Variants in ERCC3 observed in about 807,000 individuals in gnomAD.
ERCC3 encodes the protein general transcription and DNA repair factor IIH helicase/translocase subunit XPB.
Under a neutral mutation model 94.2 loss-of-function variants are expected in ERCC3, and 66 were observed. The observed-to-expected ratio is 0.70, with a 90% confidence interval of 0.57 to 0.86. The LOEUF is 0.86. Among genes scored for constraint, ERCC3 ranks in the 40% least tolerant of loss-of-function variants. ERCC3 has a pLI of 0.00. For missense variants in ERCC3, 829 were observed against 987.1 expected (o/e 0.84, Z 2.15); for synonymous variants, 349 against 369.1 (o/e 0.95, Z 0.63).
At chr2:127,262,814 C>A (rs1684236823) in intron 12 of ERCC3, 1 of 152,164 alleles carries the variant, frequency 6.6e-6, no homozygotes, top group Non-Finnish European at 1.5e-5. Flanking sequence ...CATCTTTAAT[C>A]CATTATGAGT....
chr2:127,268,609 T>G (rs1359808440), intron 12 of ERCC3, among the ~76,000 whole-genome samples: 1 of 152,122 alleles, frequency 6.6e-6, no homozygotes, highest in Non-Finnish European at 1.5e-5. Context: ...AGTCCCCCAA[T>G]CTCTTCTGAC....
In ERCC3 at chr2:127,258,900, C is replaced by A. The variant is rs1224777720; in HGVS notation, c.2217+396G>T. On this transcript the variant is annotated intron_variant, in intron 14 of 14. Transcript: ENST00000285398. This position sits in a 1 kb window ranked among gnomAD's most constrained non-coding sequence, Gnocchi z 4.1. ...GCTCAGCTTTATCACTGAGGAGGAA[C>A]CAGAGGAGAACTGTGTGGCCACAGC... Among the ~76,000 whole-genome samples, 1 of 152,072 alleles carries A rather than the reference C, an allele frequency of 6.6e-6. No homozygotes were observed. The highest frequency in any genetic ancestry group is 1.5e-5 in the Non-Finnish European group (1 of 68,028).
At position 127,259,249 on chromosome 2, in the gene ERCC3, C is replaced by T. The variant is rs376438593; in HGVS notation, c.2217+47G>A. 11 of 1,609,526 alleles carry T rather than the reference C, an allele frequency of 6.8e-6. No homozygotes were observed. Among genetic ancestry groups the T allele is most frequent in the African/African-American group, 1.3e-5 (1 of 74,838 alleles). On this transcript the variant is annotated intron_variant, in intron 14 of 14. Transcript: ENST00000285398. The surrounding 1 kb of genome is among the most constrained non-coding windows in gnomAD (Gnocchi z 4.9). ...TCTGTGTCTGTGTCTACAAACGCTG[C>T]CCTGTGAGAGCACTGACACCTGGAA...
intron 12 of ERCC3, among the ~76,000 whole-genome samples, chr2:127,263,560 C>T (rs566290022): frequency 1.3e-5 from 2 of 152,264 alleles, no homozygotes; most frequent in East Asian, 3.9e-4. Flanking sequence ...AGAATCACAT[C>T]ATTAGGGAAG....
rs1684120624 is a variant in ERCC3 at position 127,259,330 on chromosome 2, A to ACCT, written c.2180_2182dup (p.Glu727dup). ...TCTGGAGCCAAATTCCCCAGCCACC[A>ACCT]CCTCCTCCTCGGCATCCAGGTCAGT... On this transcript the variant is annotated inframe_insertion, in exon 14 of 15. Transcript: ENST00000285398. The surrounding 1 kb of genome is among the most constrained non-coding windows in gnomAD (Gnocchi z 4.9). 1 of 1,613,630 alleles carries ACCT rather than the reference A, an allele frequency of 6.2e-7. No individual in the cohort carries two copies. The highest frequency in any genetic ancestry group is 2.2e-5 in the East Asian group (1 of 44,864).
At position 127,290,425 on chromosome 2, in the gene ERCC3, A is replaced by C. The variant is rs1389557993; in HGVS notation, c.472-152T>G. 3 of 712,982 alleles carry C rather than the reference A, an allele frequency of 4.2e-6. No individual in the cohort carries two copies. The South Asian group carries it at 4.5e-5, about 11-fold the overall frequency. 44.2% of individuals were successfully genotyped at this position (712,982 alleles called of 1,614,324 possible). A position where few individuals can be genotyped will look rare whatever the true frequency, so the allele number is the denominator to read the frequency against. On this transcript the variant is annotated intron_variant, in intron 3 of 14. Coordinates refer to ENST00000285398, the MANE Select transcript of ERCC3 (RefSeq NM_000122.2). ...AATCCTAAAGTGGTCAGATGTGCCTAAACTGAGCTTTTTCCATTGGCCTCT... is the reference window on the plus strand; with the variant it reads ...AATCCTAAAGTGGTCAGATGTGCCTCAACTGAGCTTTTTCCATTGGCCTCT...
Position 127,294,005 on chromosome 2 carries a change from AG to A in ERCC3, c.28+48del, listed in dbSNP as rs768313954. On this transcript the variant is annotated intron_variant, in intron 1 of 14. Transcript: ENST00000285398. Reference sequence around the variant, plus strand: ...GCAGCTCCGAGGCAGAGCGGGGGGCAGGGCCGGCAAGGGCAGTCGTGGCTGA... The same window carrying A: ...GCAGCTCCGAGGCAGAGCGGGGGGCAGGCCGGCAAGGGCAGTCGTGGCTGA... 19 of 1,596,112 alleles carry A rather than the reference AG, an allele frequency of 1.2e-5. No individual in the cohort carries two copies. In the Admixed American group the frequency reaches 3.1e-4, roughly 26 times the overall value.
chr2:127,261,182 A>G, intron 13 of ERCC3, 46 bp downstream of exon 13: 2 of 1,125,328 alleles, frequency 1.8e-6, no homozygotes, highest in Non-Finnish European at 2.7e-6. Flanking sequence ...CAGGGTATCA[A>G]GAAGGCCTTG....
At chr2:127,275,402 C>CA (rs935320380) in intron 10 of ERCC3, among the ~76,000 whole-genome samples, 2 of 151,462 alleles carry the variant, frequency 1.3e-5, no homozygotes, top group Non-Finnish European at 2.9e-5. Context: ...GCCAGAGACA[C>CA]AAAAAAAAGG....
Position 127,257,437 on chromosome 2 carries a change from C to T in ERCC3, c.*159G>A. On this transcript the variant is annotated 3_prime_UTR_variant, in exon 15 of 15. Coordinates refer to ENST00000285398, the MANE Select transcript of ERCC3 (RefSeq NM_000122.2). This position sits in a 1 kb window ranked among gnomAD's most constrained non-coding sequence, Gnocchi z 5.4. The stretch of plus-strand genomic sequence containing the variant: ...CCTCCTTTATAAAACCCTAGATGAC[C>T]TATGAAGGCACAGCCAAGCCCTTGA... The T allele has an allele frequency of 1.1e-6, 1 of 896,364 alleles. No homozygotes were observed. 55.5% of individuals were successfully genotyped at this position (896,364 alleles called of 1,614,324 possible). A position where few individuals can be genotyped will look rare whatever the true frequency, so the allele number is the denominator to read the frequency against.
intron 12 of ERCC3, among the ~76,000 whole-genome samples, chr2:127,269,417 CTTTTTTT>C (rs70985445): frequency 8.8e-6 from 1 of 113,556 alleles, no homozygotes; most frequent in African/African-American, 3.4e-5. Context: ...ATTCTATTCA[CTTTTTTT>C]TTTTTTTTTT....
chr2:127,261,944 T>G (rs4150511), intron 12 of ERCC3: 1 of 155,962 alleles, frequency 6.4e-6, no homozygotes, highest in South Asian at 1.9e-4. Flanking sequence ...TTAAACACAC[T>G]GTTATAACCA....
At chr2:127,260,792 A>C (rs1035271478) in intron 13 of ERCC3, 1 of 208,316 alleles carries the variant, frequency 4.8e-6, no homozygotes, top group Admixed American at 5.3e-5. Context: ...GAAAGAAAGC[A>C]AATGCCTCAG....
intron 1 of ERCC3, 80 bp downstream of exon 1, chr2:127,293,974 C>G (rs576954711): frequency 6.4e-7 from 1 of 1,566,884 alleles, no homozygotes. Flanking sequence ...GGCGCAGAGG[C>G]CCGGAGCAGC....
intron 8 of ERCC3, among the ~76,000 whole-genome samples, chr2:127,286,174 G>A (rs950969755): frequency 4.6e-5 from 7 of 152,114 alleles, no homozygotes; most frequent in Non-Finnish European, 8.8e-5. Context: ...GAAGATGGAG[G>A]AAAGAAAATA....
In ERCC3 at chr2:127,258,396, A is replaced by G. The variant is rs1448239160; in HGVS notation, c.2218-669T>C. Among the ~76,000 whole-genome samples, 3 of 152,216 alleles carry G rather than the reference A, an allele frequency of 2.0e-5. No homozygotes were observed. Among genetic ancestry groups the G allele is most frequent in the Non-Finnish European group, 2.9e-5 (2 of 68,030 alleles). Reference sequence around the variant, plus strand: ...GCAAGTAATTAATGTCTGCACCTCAATGACCTCATCTGTAAAATGGGGATA... The same window carrying G: ...GCAAGTAATTAATGTCTGCACCTCAGTGACCTCATCTGTAAAATGGGGATA... On this transcript the variant is annotated intron_variant, in intron 14 of 14. Coordinates refer to ENST00000285398, the MANE Select transcript of ERCC3 (RefSeq NM_000122.2). The surrounding 1 kb of genome is among the most constrained non-coding windows in gnomAD (Gnocchi z 4.1).
intron 7 of ERCC3, 76 bp downstream of exon 7, chr2:127,288,584 C>T: frequency 1.6e-6 from 2 of 1,245,234 alleles, no homozygotes; most frequent in Non-Finnish European, 2.4e-6. Context: ...GGGAAATGTG[C>T]AGAGAGAAAG....
At chr2:127,293,441 T>G in intron 2 of ERCC3, 72 bp downstream of exon 2, 1 of 1,389,658 alleles carries the variant, frequency 7.2e-7, no homozygotes, top group Non-Finnish European at 1.0e-6. Flanking sequence ...CAGTTTTGAC[T>G]CTGAGGATGC....
chr2:127,281,826 A>C (rs1380243951), intron 8 of ERCC3, among the ~76,000 whole-genome samples: 1 of 152,114 alleles, frequency 6.6e-6, no homozygotes, highest in Non-Finnish European at 1.5e-5. Context: ...ATGTCTAAGG[A>C]AAGACTGTGC....
Sources: gnomAD v4.1 joint callset for allele counts (sites outside exome capture counted in the v4.1 genomes callset) on GRCh38, gnomAD v4.1.1 for gene constraint, Gnocchi (gnomAD v3.1) non-coding constraint, MANE v1.5 for transcripts, NCBI Gene and HGNC (gene_info 2026-07-23, HGNC 2026-07-21) for gene names.